The following EXOC4 variants were observed in gnomAD, a reference collection of about 807,000 sequenced individuals.
EXOC4 encodes SEC8-like 1.
Under a neutral mutation model 107.2 loss-of-function variants are expected in EXOC4, and 71 were observed. The ratio of observed to expected loss-of-function variants is 0.66; its 90% CI spans 0.55 to 0.81. EXOC4 has a LOEUF of 0.81. EXOC4 is among the 30% of genes least tolerant of loss of function. The pLI is 0.00. For missense variants in EXOC4, 1,108 were observed against 1,189.6 expected, an observed-to-expected ratio of 0.93 and a Z score of 1.01; for synonymous variants, 456 against 441.2, an observed-to-expected ratio of 1.03 and a Z score of -0.42.
At chr7:133,632,197 T>C (rs1056167171) in intron 10 of EXOC4, among the ~76,000 whole-genome samples, 12 of 152,194 alleles carry the variant, frequency 7.9e-5, no homozygotes, top group Non-Finnish European at 8.8e-5. Flanking sequence ...TCTTTATAAA[T>C]GCTGCTTTGC....
intron 10 of EXOC4, among the ~76,000 whole-genome samples, chr7:133,751,409 G>T (rs1173171148): frequency 3.3e-5 from 5 of 152,220 alleles, no homozygotes; most frequent in Admixed American, 6.5e-5. Context: ...AAAACACATA[G>T]CCCAAAATAG....
At chr7:134,074,881 G>A in the EXOC4 span, among the ~76,000 whole-genome samples, 316 of 152,290 alleles carry the variant, frequency 2.1e-3, no homozygotes, top group Middle Eastern at 0.01. Context: ...GTAGACTATC[G>A]TTAGTCAAAT....
chr7:133,587,903 T>G (rs1801443889), intron 9 of EXOC4, among the ~76,000 whole-genome samples: 1 of 152,246 alleles, frequency 6.6e-6, no homozygotes, highest in Admixed American at 6.5e-5. Flanking sequence ...ACACTTTGAT[T>G]AGTTCTAGCA....
In EXOC4 at chr7:133,980,404, A is replaced by G. The variant is rs182653470; in HGVS notation, c.2207-17088A>G. ...TGCCGAAGGTTGTTCTAAATGCTTC[A>G]TGTGTTTTATATCATTGAATCCTTA... On this transcript the variant is annotated intron_variant, in intron 14 of 17. Transcript: ENST00000253861. Among the ~76,000 whole-genome samples, 6 of 152,340 alleles carry G rather than the reference A, an allele frequency of 3.9e-5. No individual in the cohort carries two copies. The East Asian group carries it at 1.2e-3, about 29-fold the overall frequency.
intron 11 of EXOC4, among the ~76,000 whole-genome samples, chr7:133,855,042 T>TATATCTAA (rs1798319891): frequency 1.3e-5 from 1 of 75,686 alleles, no homozygotes; most frequent in African/African-American, 6.1e-5. Context: ...TCTAAATATA[T>TATATCTAA]ATATATCTAA....
chr7:133,420,051 T>G (rs1217060874), intron 7 of EXOC4, among the ~76,000 whole-genome samples: 2 of 148,226 alleles, frequency 1.3e-5, no homozygotes, highest in Non-Finnish European at 3.0e-5. Flanking sequence ...ACATGTGCCA[T>G]GCTGGTGCGC....
chr7:134,065,764 T>A (rs1051743817), downstream of EXOC4: 1 of 152,240 alleles, frequency 6.6e-6, no homozygotes, highest in African/African-American at 2.4e-5. Context: ...AGCTTAAATG[T>A]TTCATGTTAT....
chr7:133,314,035 G>T (rs889516194), intron 4 of EXOC4, among the ~76,000 whole-genome samples: 1 of 152,008 alleles, frequency 6.6e-6, no homozygotes, highest in Non-Finnish European at 1.5e-5. Flanking sequence ...CCAAAATAAC[G>T]TTATAATTTT....
At chr7:134,063,819 A>T (rs1796125911) in intron 17 of EXOC4, among the ~76,000 whole-genome samples, 1 of 152,216 alleles carries the variant, frequency 6.6e-6, no homozygotes, top group Non-Finnish European at 1.5e-5. Context: ...CAACTATTTC[A>T]ATAACCCCAA....
intron 11 of EXOC4, among the ~76,000 whole-genome samples, chr7:133,849,237 A>G (rs1379864100): frequency 6.6e-6 from 1 of 152,186 alleles, no homozygotes; most frequent in Non-Finnish European, 1.5e-5. Context: ...CCTGGGCAGC[A>G]TAGCAAGACC....
chr7:133,714,202 G>T (rs1237757003), intron 10 of EXOC4, among the ~76,000 whole-genome samples: 1 of 152,162 alleles, frequency 6.6e-6, no homozygotes, highest in Admixed American at 6.5e-5. Context: ...CATGGACTAG[G>T]CAAGAGCCAA....
intron 10 of EXOC4, among the ~76,000 whole-genome samples, chr7:133,762,630 A>C (rs1423873228): frequency 1.3e-5 from 2 of 151,848 alleles, no homozygotes; most frequent in Non-Finnish European, 2.9e-5. Context: ...AGAAAATGGA[A>C]AACAAACTAA....
chr7:133,725,650 A>T (rs1449948487), intron 10 of EXOC4, among the ~76,000 whole-genome samples: 1 of 152,206 alleles, frequency 6.6e-6, no homozygotes, highest in Non-Finnish European at 1.5e-5. Flanking sequence ...TGCTGGGATT[A>T]CAGGCGTGAA....
rs116246278 is a variant in EXOC4, at chr7:133,834,900, G to A, written c.1734+17356G>A. On this transcript the variant is annotated intron_variant, in intron 11 of 17. Coordinates refer to ENST00000253861, the MANE Select transcript of EXOC4 (RefSeq NM_021807.4). ...GGGAGGTGATTGAATTATGGGTTGG[G>A]GGGGTCTTTCCTGCACTGTACTCAT... is the stretch of plus-strand genomic sequence containing the variant. Among the ~76,000 whole-genome samples the A allele has an allele frequency of 2.4e-3, 362 of 152,240 alleles. 5 individuals are homozygous for A. The highest frequency in any genetic ancestry group is 8.1e-3 in the African/African-American group (338 of 41,540).
intron 7 of EXOC4, among the ~76,000 whole-genome samples, chr7:133,464,573 T>C (rs1188271069): frequency 6.6e-6 from 1 of 152,072 alleles, no homozygotes; most frequent in Non-Finnish European, 1.5e-5. Flanking sequence ...GAACTCAGAG[T>C]TGGTGACCTT....
intron 6 of EXOC4, among the ~76,000 whole-genome samples, chr7:133,369,068 G>T (rs1434822875): frequency 6.6e-6 from 1 of 152,176 alleles, no homozygotes; most frequent in East Asian, 1.9e-4. Flanking sequence ...CTGGGGCATT[G>T]TGTTTTCATC....
At chr7:133,956,746 TC>T (rs1183436053) in intron 14 of EXOC4, among the ~76,000 whole-genome samples, 1 of 152,186 alleles carries the variant, frequency 6.6e-6, no homozygotes, top group Non-Finnish European at 1.5e-5. Flanking sequence ...CCATATCCTA[TC>T]AGTCAGTGTA....
At chr7:133,339,270 T>G (rs572805249) in intron 5 of EXOC4, among the ~76,000 whole-genome samples, 3 of 152,174 alleles carry the variant, frequency 2.0e-5, no homozygotes, top group Non-Finnish European at 4.4e-5. Context: ...AGGGTGTCCT[T>G]TCTCTGCTTT....
chr7:133,972,915 C>G (rs925478926), intron 14 of EXOC4, among the ~76,000 whole-genome samples: 1 of 152,218 alleles, frequency 6.6e-6, no homozygotes, highest in Non-Finnish European at 1.5e-5. Flanking sequence ...AGGGAACAGA[C>G]AGATACATAG....
Sources: allele counts gnomAD v4.1 joint callset (sites outside exome capture counted in the v4.1 genomes callset), GRCh38; gene constraint gnomAD v4.1.1; transcripts MANE v1.5; gene names NCBI Gene and HGNC (gene_info 2026-07-23, HGNC 2026-07-21).